Variants in SERINC3 observed in about 807,000 individuals in gnomAD.
SERINC3 encodes the protein tumor differentially expressed protein 1.
In SERINC3, 22 loss-of-function variants were observed where a neutral mutation model predicts 52.1. The observed-to-expected ratio is 0.42, with a 90% CI of 0.30 to 0.60. The LOEUF (loss-of-function observed/expected upper bound fraction) is 0.60. SERINC3 is among the 20% of genes least tolerant of loss of function. The pLI, the probability that SERINC3 is intolerant of heterozygous loss-of-function variation, is 0.16. For missense variants in SERINC3, 564 were observed against 584.6 expected (o/e 0.96, Z 0.36); for synonymous variants, 226 against 212.7 (o/e 1.06, Z -0.54).
chr20:44,496,768 T>A (rs970704324), downstream of SERINC3, among the ~76,000 whole-genome samples: 9 of 152,268 alleles, frequency 5.9e-5, no homozygotes, highest in Middle Eastern at 3.4e-3. Context: ...CACTCCAGCC[T>A]GGGCAACAGA....
At chr20:44,520,771 A>G (rs2064411623) in intron 1 of SERINC3, among the ~76,000 whole-genome samples, 1 of 152,258 alleles carries the variant, frequency 6.6e-6, no homozygotes, top group African/African-American at 2.4e-5. Flanking sequence ...AAATACATAA[A>G]TACACAAAAT....
At chr20:44,521,665 G>T (rs981268223) in intron 1 of SERINC3, among the ~76,000 whole-genome samples, 1 of 152,266 alleles carries the variant, frequency 6.6e-6, no homozygotes, top group African/African-American at 2.4e-5. Flanking sequence ...GCCTCGCAGG[G>T]CGGAGCCATC....
At position 44,499,050 on chromosome 20, in the gene SERINC3, A is replaced by G. The variant is rs2064264192; in HGVS notation, c.*1246T>C. 1 of 152,184 alleles carries G rather than the reference A, an allele frequency of 6.6e-6. No individual in the cohort carries two copies. Among genetic ancestry groups the G allele is most frequent in the Non-Finnish European group, 1.5e-5 (1 of 68,054 alleles). The allele number at this position is 152,184 out of a possible 1,614,324, so 9.4% of individuals were successfully genotyped here. ...ATACCTCTCCTTTGAGTTCTCTCCAATTCCTAAACCACAGCACTAATTCAC... is the reference window on the plus strand; with the variant it reads ...ATACCTCTCCTTTGAGTTCTCTCCAGTTCCTAAACCACAGCACTAATTCAC... On this transcript the variant is annotated 3_prime_UTR_variant, in exon 10 of 10. Transcript: ENST00000342374.
At chr20:44,504,108 T>G in intron 7 of SERINC3, 113 bp from the exon 8 acceptor site, 1 of 834,268 alleles carries the variant, frequency 1.2e-6, no homozygotes, top group Non-Finnish European at 1.8e-6. Context: ...TGGGAATGCT[T>G]TACTTAAAAA....
In SERINC3 at chr20:44,504,000, A is replaced by T. The variant is rs754979711; in HGVS notation, c.875-5T>A. 1 of 1,571,748 alleles carries T rather than the reference A, an allele frequency of 6.4e-7. No individual in the cohort carries two copies. Among genetic ancestry groups the T allele is most frequent in the East Asian group, 2.3e-5 (1 of 42,672 alleles). Reference sequence around the variant, plus strand: ...GGTTGGGATTGCAGGAACGATCTGAAAATGAGAAAATTTGTATTATCCTTG... The same window carrying T: ...GGTTGGGATTGCAGGAACGATCTGATAATGAGAAAATTTGTATTATCCTTG... On this transcript the variant is annotated splice_region_variant and splice_polypyrimidine_tract_variant and intron_variant, in intron 7 of 9. Coordinates refer to ENST00000342374, the MANE Select transcript of SERINC3 (RefSeq NM_006811.4).
At chr20:44,505,877 G>A (rs1489803392) in intron 6 of SERINC3, among the ~76,000 whole-genome samples, 1 of 152,110 alleles carries the variant, frequency 6.6e-6, no homozygotes, top group African/African-American at 2.4e-5. Flanking sequence ...TGGGATTACA[G>A]GCGTTAAGCC....
intron 6 of SERINC3, among the ~76,000 whole-genome samples, chr20:44,505,131 A>T (rs994294467): frequency 1.3e-5 from 2 of 152,216 alleles, no homozygotes; most frequent in African/African-American, 4.8e-5. Context: ...CCTGTGCATC[A>T]CACAAGGACT....
Sources: allele counts gnomAD v4.1 joint callset (sites outside exome capture counted in the v4.1 genomes callset), GRCh38; gene constraint gnomAD v4.1.1; transcripts MANE v1.5; gene names NCBI Gene and HGNC (gene_info 2026-07-23, HGNC 2026-07-21).